MADCAM1: variants seen among roughly 807,000 people sequenced by gnomAD.
The protein encoded by MADCAM1 is mucosal addressin cell adhesion molecule 1.
MADCAM1 carries 19 observed loss-of-function variants against 26.1 expected under a neutral mutation model. That is an observed-to-expected ratio of 0.73 (90% CI 0.51 to 1.07). MADCAM1 has a LOEUF of 1.07. Ranked by LOEUF, MADCAM1 falls within the 50% of genes least tolerant of loss-of-function variation. The probability of loss-of-function intolerance (pLI) is 0.00; values close to 1 mark genes in which losing one functional copy is unlikely to be tolerated. For missense variants in MADCAM1, 514 were observed against 542.1 expected (o/e 0.95, Z 0.51); for synonymous variants, 268 against 260.9 (o/e 1.03, Z -0.26).
intron 3 of MADCAM1, chr19:499,938 C>T: frequency 2.6e-5 from 11 of 423,964 alleles, no homozygotes; most frequent in South Asian, 1.6e-4. Context: ...GAGTTTCAAG[C>T]AAAGGGCTCC....
At chr19:504,603 AG>A (rs1378245198) in intron 4 of MADCAM1, 141 bp from the exon 5 acceptor site, 5 of 634,460 alleles carry the variant, frequency 7.9e-6, no homozygotes, top group African/African-American at 3.7e-5. Flanking sequence ...GCATTTCAAA[AG>A]GGTCATGGTA....
chr19:499,345 G>C, intron 3 of MADCAM1: 1 of 456,946 alleles, frequency 2.2e-6, no homozygotes, highest in South Asian at 1.5e-5. Context: ...AGGCTTCCCT[G>C]GATTCCCGTT....
intron 1 of MADCAM1, among the ~76,000 whole-genome samples, chr19:497,194 A>G (rs1409452239): frequency 4.0e-5 from 1 of 24,770 alleles, no homozygotes; most frequent in African/African-American, 2.0e-4. Context: ...CGCAGGAGAG[A>G]GCAGGGGGCG....
At chr19:499,561 C>T (rs117849699) in intron 3 of MADCAM1, among the ~76,000 whole-genome samples, 2,520 of 152,352 alleles carry the variant, frequency 0.017, 89 homozygotes, top group South Asian at 0.12. Flanking sequence ...TACAAACACG[C>T]ACACGCGTGT....
In MADCAM1 at chr19:501,941, T is replaced by G; in HGVS notation, c.928+12T>G. On this transcript the variant is annotated intron_variant, in intron 4 of 4. Transcript: ENST00000215637. ...GATCCCAACAGGCTGTGAGTTCTGG[T>G]CCCTGGGGGCAGGGAGGGTGGGAAG... The G allele has an allele frequency of 1.5e-6, 1 of 659,034 alleles. No individual in the cohort carries two copies. 40.8% of individuals were successfully genotyped at this position (659,034 alleles called of 1,614,324 possible).
At chr19:498,210 G>A (rs1978295535) in intron 2 of MADCAM1, 93 bp downstream of exon 2, 1 of 1,250,140 alleles carries the variant, frequency 8.0e-7, no homozygotes, top group Non-Finnish European at 1.0e-6. Flanking sequence ...CAGATTGCAG[G>A]CAGGGTCCCA....
chr19:498,778 C>T lies in MADCAM1; in HGVS notation c.620C>T (p.Thr207Met). 1 of 1,504,742 alleles carries T rather than the reference C, an allele frequency of 6.6e-7. No homozygotes were observed. Among genetic ancestry groups the T allele is most frequent in the South Asian group, 1.3e-5 (1 of 79,722 alleles). 93.2% of individuals were successfully genotyped at this position (1,504,742 alleles called of 1,614,324 possible). The part of the protein sequence containing the change: ...PVPPALYCQA[T>M]MRLPGLELSH... ...CCGCCCGCCCTCTACTGCCAGGCCACGATGAGGCTGCCTGGCTTGGAGCTC... is the reference window on the plus strand; with the variant it reads ...CCGCCCGCCCTCTACTGCCAGGCCATGATGAGGCTGCCTGGCTTGGAGCTC... Residue 207 changes from threonine (T) to methionine (M), a missense_variant, in exon 3 of 5, where the codon ACG (threonine) becomes ATG (methionine). Coordinates refer to ENST00000215637, the MANE Select transcript of MADCAM1 (RefSeq NM_130760.3).
intron 3 of MADCAM1, chr19:499,683 G>T (rs1978309355): frequency 2.6e-6 from 1 of 388,144 alleles, no homozygotes; most frequent in Non-Finnish European, 5.2e-6. Flanking sequence ...CTCCCCAGGT[G>T]GGAATCTTGT....
intron 4 of MADCAM1, among the ~76,000 whole-genome samples, chr19:504,082 A>G (rs1978493778): frequency 6.6e-6 from 1 of 151,662 alleles, no homozygotes; most frequent in Non-Finnish European, 1.5e-5. Context: ...GTGGTCATAC[A>G]TTTCGCAGAG....
rs1195581696 is a variant in MADCAM1 at position 505,199 on chromosome 19, G to A, written c.*234G>A. 4 of 453,680 alleles carry A rather than the reference G, an allele frequency of 8.8e-6. No homozygotes were observed. The highest frequency in any genetic ancestry group is 5.6e-4 in the Middle Eastern group (1 of 1,786). 28.1% of individuals were successfully genotyped at this position (453,680 alleles called of 1,614,324 possible). The stretch of plus-strand genomic sequence containing the variant: ...TCCCTGAGTGGTCCCCACCTTTCTG[G>A]ACGGAACCACGTACTTTTTACATAC... On this transcript the variant is annotated 3_prime_UTR_variant, in exon 5 of 5. Transcript: ENST00000215637.
At chr19:501,952 AG>A in intron 4 of MADCAM1, 23 bp downstream of exon 4, 1 of 614,224 alleles carries the variant, frequency 1.6e-6, no homozygotes, top group Non-Finnish European at 2.7e-6. Flanking sequence ...CCCTGGGGGC[AG>A]GGAGGGTGGG....
In MADCAM1 at chr19:498,524, A is replaced by G. The variant is rs2302217; in HGVS notation, c.366A>G (p.Pro122=). 0.48 allele frequency: 709,495 copies of G among 1,463,178 alleles called. 177,337 individuals are homozygous for G. Among genetic ancestry groups the G allele is most frequent in the African/African-American group, 0.77 (52,042 of 67,800 alleles). 90.6% of individuals were successfully genotyped at this position (1,463,178 alleles called of 1,614,324 possible). A position where few individuals can be genotyped will look rare whatever the true frequency, so the allele number is the denominator to read the frequency against. ...YAFPDQLTVS[P]AALVPGDPEV... ...TCCCGGACCAGCTGACCGTCTCCCC[A>G]GCAGCCCTGGTGCCTGGTGACCCGG... Residue 122 remains proline, a synonymous_variant, in exon 3 of 5, where the codon CCA becomes CCG. Coordinates refer to ENST00000215637, the MANE Select transcript of MADCAM1 (RefSeq NM_130760.3).
chr19:499,406 A>G (rs780103947), intron 3 of MADCAM1: 6 of 452,108 alleles, frequency 1.3e-5, no homozygotes, highest in Non-Finnish European at 2.7e-5. Flanking sequence ...GCACACAAGC[A>G]CACACATGTA....
intron 1 of MADCAM1, among the ~76,000 whole-genome samples, chr19:497,371 G>A (rs1274993717): frequency 1.9e-5 from 2 of 105,024 alleles, no homozygotes; most frequent in Admixed American, 9.0e-5. Context: ...AGAGGAAGGG[G>A]CGCGGTGAGC....
At chr19:503,689 C>T (rs563002360) in intron 4 of MADCAM1, among the ~76,000 whole-genome samples, 1 of 151,864 alleles carries the variant, frequency 6.6e-6, no homozygotes, top group East Asian at 1.9e-4. Flanking sequence ...TCACTTGAGC[C>T]CAGGAGGTTG....
At chr19:504,701 G>A (rs768630518) in intron 4 of MADCAM1, 44 bp from the exon 5 acceptor site, 2 of 1,439,572 alleles carry the variant, frequency 1.4e-6, no homozygotes, top group South Asian at 2.4e-5. Flanking sequence ...AGCCTGCAGA[G>A]GCCTGGAGGG....
rs1347218908 is a variant in MADCAM1, at chr19:505,134, A to C, written c.*169A>C. ...AGAAGCTCATCAGAAACTCAAAAGA[A>C]GGCCACTGTTTGTCTCACCTACCCA... On this transcript the variant is annotated 3_prime_UTR_variant, in exon 5 of 5. Transcript: ENST00000215637. 3 of 554,120 alleles carry C rather than the reference A, an allele frequency of 5.4e-6. No homozygotes were observed. The highest frequency in any genetic ancestry group is 6.2e-6 in the Non-Finnish European group (2 of 320,340). 34.3% of individuals were successfully genotyped at this position (554,120 alleles called of 1,614,324 possible). A position where few individuals can be genotyped will look rare whatever the true frequency, so the allele number is the denominator to read the frequency against.
chr19:498,920 T>A (rs937374582), intron 3 of MADCAM1, 95 bp downstream of exon 3: 7 of 1,317,934 alleles, frequency 5.3e-6, no homozygotes, highest in African/African-American at 1.6e-5. Context: ...GCACCTGTGC[T>A]GTGGGGCGCT....
chr19:496,594 G>C, intron 1 of MADCAM1, 43 bp downstream of exon 1: 1 of 1,206,798 alleles, frequency 8.3e-7, no homozygotes, highest in Non-Finnish European at 1.0e-6. Flanking sequence ...TGAGTTAGGA[G>C]GGGGCTCAGG....
Sources: allele counts gnomAD v4.1 joint callset (sites outside exome capture counted in the v4.1 genomes callset), GRCh38; gene constraint gnomAD v4.1.1; transcripts MANE v1.5; gene names NCBI Gene and HGNC (gene_info 2026-07-23, HGNC 2026-07-21).